Variants in SDK1 observed in about 807,000 individuals in gnomAD.
SDK1 encodes protein sidekick-1.
SDK1 carries 157 observed loss-of-function variants against 245.5 expected under a neutral mutation model. The observed-to-expected ratio is 0.64, with a 90% confidence interval of 0.56 to 0.73. The LOEUF (loss-of-function observed/expected upper bound fraction) is 0.73, where lower values mean the gene tolerates loss of function less well. Among genes scored for constraint, SDK1 ranks in the 30% least tolerant of loss-of-function variants. The pLI is 0.00. For missense variants in SDK1, 3,583 were observed against 3,002.3 expected, an observed-to-expected ratio of 1.19 and a Z score of -4.52; for synonymous variants, 1,647 against 1,278.5, an observed-to-expected ratio of 1.29 and a Z score of -6.15.
intron 5 of SDK1, among the ~76,000 whole-genome samples, chr7:3,899,289 A>C (rs1465652311): frequency 2.0e-5 from 3 of 152,104 alleles, no homozygotes; most frequent in Admixed American, 6.6e-5. Context: ...TTTCCATGAC[A>C]CATCTGTCCT....
At chr7:3,640,753 G>A (rs950999632) in intron 3 of SDK1, among the ~76,000 whole-genome samples, 3 of 149,814 alleles carry the variant, frequency 2.0e-5, no homozygotes, top group Admixed American at 2.0e-4. Flanking sequence ...GCACAATCTT[G>A]ACTCACCGCA....
Position 4,127,171 on chromosome 7 carries a change from T to C in SDK1, c.3824-210T>C, listed in dbSNP as rs549969806. Among the ~76,000 whole-genome samples the C allele has an allele frequency of 2.6e-5, 4 of 152,338 alleles. No individual in the cohort carries two copies. The South Asian group carries it at 8.3e-4, about 32-fold the overall frequency. ...TTGGTGGACTCAGGTAAAATTGAGC[T>C]GCTAAGTACCCAGGATTTATGGAAT... On this transcript the variant is annotated intron_variant, in intron 25 of 44. Coordinates refer to ENST00000404826, the MANE Select transcript of SDK1 (RefSeq NM_152744.4).
intron 31 of SDK1, among the ~76,000 whole-genome samples, chr7:4,161,213 C>G (rs911845235): frequency 6.6e-6 from 1 of 152,130 alleles, no homozygotes; most frequent in Admixed American, 6.5e-5. Context: ...TGGCCATAGG[C>G]AGAGGTCAAA....
At chr7:3,933,665 T>C (rs552791754) in intron 5 of SDK1, among the ~76,000 whole-genome samples, 9 of 152,176 alleles carry the variant, frequency 5.9e-5, no homozygotes, top group African/African-American at 1.9e-4. Context: ...TTCATTGATA[T>C]ATTTGTATAA....
intron 1 of SDK1, among the ~76,000 whole-genome samples, chr7:3,487,076 C>G (rs1232753078): frequency 2.0e-5 from 3 of 152,132 alleles, no homozygotes; most frequent in African/African-American, 7.2e-5. Flanking sequence ...TGAAAGTCGC[C>G]TTACACAATA....
intron 1 of SDK1, among the ~76,000 whole-genome samples, chr7:3,369,792 A>G (rs151034516): frequency 1.4e-4 from 21 of 152,234 alleles, no homozygotes; most frequent in Admixed American, 6.5e-5. Flanking sequence ...AAACTAACCC[A>G]TGAAATGTGT....
intron 17 of SDK1, among the ~76,000 whole-genome samples, chr7:4,040,782 C>A (rs1448254972): frequency 6.6e-6 from 1 of 152,210 alleles, no homozygotes; most frequent in Non-Finnish European, 1.5e-5. Context: ...ATCTCCCCCG[C>A]TGGTGCCTTG....
chr7:3,798,915 G>A (rs772841080), intron 4 of SDK1, among the ~76,000 whole-genome samples: 34 of 152,276 alleles, frequency 2.2e-4, no homozygotes, highest in Middle Eastern at 3.4e-3. Context: ...TAATTTTAGC[G>A]TTCACCAGTG....
At chr7:4,247,615 G>T (rs541241234) in intron 44 of SDK1, among the ~76,000 whole-genome samples, 1 of 152,234 alleles carries the variant, frequency 6.6e-6, no homozygotes, top group African/African-American at 2.4e-5. Flanking sequence ...GCCGCTGCCG[G>T]GCCGCTGCTC....
chr7:3,950,720 T>C (rs1187174174), intron 5 of SDK1, among the ~76,000 whole-genome samples: 1 of 152,112 alleles, frequency 6.6e-6, no homozygotes. Flanking sequence ...CTGGACTGAA[T>C]GTGTATGGCT....
chr7:3,393,281 A>T (rs564233404), intron 1 of SDK1, among the ~76,000 whole-genome samples: 1 of 151,960 alleles, frequency 6.6e-6, no homozygotes, highest in East Asian at 1.9e-4. Flanking sequence ...CCCTATTTTC[A>T]GTTCTTTTGG....
chr7:4,070,417 C>T (rs771458679), intron 20 of SDK1, among the ~76,000 whole-genome samples: 38 of 152,332 alleles, frequency 2.5e-4, no homozygotes, highest in Non-Finnish European at 4.4e-4. Context: ...GGAGCCACCT[C>T]GGGCTGGAGG....
rs539930727 is a variant in SDK1 at position 4,103,192 on chromosome 7, G to C, written c.3325-7471G>C. ...ATTTTTTGTATTTTTAGTGGAGACTGGGTTTCACCATGTTAGCCAGGATGG... is the reference window on the plus strand; with the variant it reads ...ATTTTTTGTATTTTTAGTGGAGACTCGGTTTCACCATGTTAGCCAGGATGG... On this transcript the variant is annotated intron_variant, in intron 22 of 44. Coordinates refer to ENST00000404826, the MANE Select transcript of SDK1 (RefSeq NM_152744.4). 6.7e-3 allele frequency among the ~76,000 whole-genome samples: 1,021 copies of C among 152,194 alleles called. 15 individuals carry two copies. Among genetic ancestry groups the C allele is most frequent in the African/African-American group, 0.023 (972 of 41,538 alleles).
intron 1 of SDK1, among the ~76,000 whole-genome samples, chr7:3,400,033 G>C (rs1334491720): frequency 6.6e-6 from 1 of 152,092 alleles, no homozygotes; most frequent in African/African-American, 2.4e-5. Context: ...TGTGAATGGG[G>C]CTTCCCTGAG....
intron 1 of SDK1, among the ~76,000 whole-genome samples, chr7:3,388,242 A>G (rs10246895): frequency 0.47 from 71,799 of 151,500 alleles, 18,875 homozygotes; most frequent in South Asian, 0.62. Context: ...ATGTGTATAT[A>G]TTTTTATGTA....
At chr7:4,176,357 C>T (rs549932164) in intron 34 of SDK1, among the ~76,000 whole-genome samples, 2 of 151,992 alleles carry the variant, frequency 1.3e-5, no homozygotes, top group African/African-American at 4.8e-5. Context: ...TTTTAAGAGA[C>T]GGGTTCTTGC....
rs1312702172 is a variant in SDK1 at position 3,604,561 on chromosome 7, T to C, written c.299-14519T>C. ...TTGTATATTTTCATTGTTTTATTTA[T>C]TTTTTATTTAATTCCAGACTTTTTC... On this transcript the variant is annotated intron_variant, in intron 1 of 44. Coordinates refer to ENST00000404826, the MANE Select transcript of SDK1 (RefSeq NM_152744.4). 2.0e-5 allele frequency among the ~76,000 whole-genome samples: 3 copies of C among 151,656 alleles called. No individual in the cohort carries two copies. The East Asian group carries it at 5.8e-4, about 29-fold the overall frequency.
intron 4 of SDK1, among the ~76,000 whole-genome samples, chr7:3,754,351 G>A (rs1231389735): frequency 1.3e-5 from 2 of 152,150 alleles, no homozygotes; most frequent in Non-Finnish European, 2.9e-5. Context: ...GGCTAATTTA[G>A]CCCATATTAA....
At chr7:3,954,125 C>T (rs904593909) in intron 7 of SDK1, among the ~76,000 whole-genome samples, 1 of 152,008 alleles carries the variant, frequency 6.6e-6, no homozygotes, top group Non-Finnish European at 1.5e-5. Flanking sequence ...GCCCACCTGC[C>T]TGTCTATGTT....
Sources: allele counts gnomAD v4.1 joint callset (sites outside exome capture counted in the v4.1 genomes callset), GRCh38; gene constraint gnomAD v4.1.1; transcripts MANE v1.5; gene names NCBI Gene and HGNC (gene_info 2026-07-23, HGNC 2026-07-21).